Variants in CACNA1E observed in about 807,000 individuals in gnomAD.
CACNA1E encodes voltage-dependent R-type calcium channel subunit alpha-1E.
In CACNA1E, 40 loss-of-function variants were observed where a neutral mutation model predicts 259.2. That is an observed-to-expected ratio of 0.15 (90% CI 0.12 to 0.20). The LOEUF (loss-of-function observed/expected upper bound fraction) is 0.20, where lower values mean the gene tolerates loss of function less well. Ranked by LOEUF, CACNA1E falls within the 10% of genes least tolerant of loss-of-function variation. The probability of loss-of-function intolerance (pLI) is 1.00; values close to 1 mark genes in which losing one functional copy is unlikely to be tolerated. For synonymous variants in CACNA1E, 1,104 were observed against 1,138.5 expected (o/e 0.97, Z 0.61); for missense variants, 1,874 against 3,040.1 (o/e 0.62, Z 9.02).
At chr1:181,665,573 T>G (rs6697411) in intron 7 of CACNA1E, among the ~76,000 whole-genome samples, 11,670 of 152,160 alleles carry the variant, frequency 0.077, 570 homozygotes, top group African/African-American at 0.14. Context: ...CAGTAAGGCA[T>G]TATATATTAC....
At position 181,802,011 on chromosome 1, in the gene CACNA1E, G is replaced by A. The variant is rs1662310741; in HGVS notation, c.*3177G>A. The A allele has an allele frequency of 1.3e-5, 2 of 152,212 alleles. No individual in the cohort carries two copies. Among genetic ancestry groups the A allele is most frequent in the African/African-American group, 4.8e-5 (2 of 41,442 alleles). The allele number at this position is 152,212 out of a possible 1,614,324, so 9.4% of individuals were successfully genotyped here. A position where few individuals can be genotyped will look rare whatever the true frequency, so the allele number is the denominator to read the frequency against. On this transcript the variant is annotated 3_prime_UTR_variant, in exon 48 of 48. Transcript: ENST00000367573. Reference sequence around the variant, plus strand: ...AGGCTCCAGACAGACTCCAGGTAGGGAATGCATGCTGTCTCTTTCTCTGTG... The same window carrying A: ...AGGCTCCAGACAGACTCCAGGTAGGAAATGCATGCTGTCTCTTTCTCTGTG...
At position 181,731,207 on chromosome 1, in the gene CACNA1E, T is replaced by C. The variant is rs1464933485; in HGVS notation, c.2273T>C (p.Met758Thr). Residue 758 changes from methionine (M) to threonine (T), a missense_variant, in exon 19 of 48, where the codon ATG (methionine) becomes ACG (threonine). By Grantham distance (81) the Met-to-Thr change is moderately conservative. Coordinates refer to ENST00000367573, the MANE Select transcript of CACNA1E (RefSeq NM_001205293.3). ...AGAAGGAGAAGACACCACATGTCGA[T>C]GTGGGAGCCACGCAGCAGCCACCTG... is the stretch of plus-strand genomic sequence containing the variant. ...RDRRRRHHMS[M>T]WEPRSSHLRE... 2 of 1,613,926 alleles carry C rather than the reference T, an allele frequency of 1.2e-6. No individual in the cohort carries two copies. The highest frequency in any genetic ancestry group is 1.1e-5 in the South Asian group (1 of 91,068).
At chr1:181,386,545 CT>C (rs2102017655) in intron 1 of CACNA1E, among the ~76,000 whole-genome samples, 1 of 152,336 alleles carries the variant, frequency 6.6e-6, no homozygotes, top group South Asian at 2.1e-4. Context: ...TCCAATAAAA[CT>C]TTTTGCAGTG....
Position 181,758,615 on chromosome 1 carries a change from A to G in CACNA1E, c.4495-143A>G. On this transcript the variant is annotated intron_variant, in intron 31 of 47. Coordinates refer to ENST00000367573, the MANE Select transcript of CACNA1E (RefSeq NM_001205293.3). This position sits in a 1 kb window ranked among gnomAD's most constrained non-coding sequence, Gnocchi z 4.2. ...AGAATATGTGGTTCTCCTCTCCAGC[A>G]CTCGAAGTCCATCTCTCCTCCTGTA... The G allele has an allele frequency of 5.4e-6, 3 of 560,254 alleles. No homozygotes were observed. Among genetic ancestry groups the G allele is most frequent in the Non-Finnish European group, 9.5e-6 (3 of 315,604 alleles). The allele number at this position is 560,254 out of a possible 1,614,324, so 34.7% of individuals were successfully genotyped here.
At chr1:181,436,191 G>A (rs966979361) in intron 2 of CACNA1E, among the ~76,000 whole-genome samples, 2 of 152,184 alleles carry the variant, frequency 1.3e-5, no homozygotes, top group African/African-American at 4.8e-5. Flanking sequence ...CTGTTAGAAT[G>A]GCTATAATAA....
At chr1:181,519,387 G>A (rs1351866102) in intron 3 of CACNA1E, among the ~76,000 whole-genome samples, 1 of 152,142 alleles carries the variant, frequency 6.6e-6, no homozygotes, top group Non-Finnish European at 1.5e-5. Flanking sequence ...TCAGGAAATA[G>A]CAGATATAAT....
At chr1:181,740,440 A>G (rs1656458217) in intron 25 of CACNA1E, among the ~76,000 whole-genome samples, 1 of 151,788 alleles carries the variant, frequency 6.6e-6, no homozygotes, top group African/African-American at 2.4e-5. Flanking sequence ...AAGCACTGTC[A>G]GCTGCTGTCT....
chr1:181,545,980 A>G (rs1489303944), intron 3 of CACNA1E, among the ~76,000 whole-genome samples: 1 of 152,010 alleles, frequency 6.6e-6, no homozygotes. Flanking sequence ...TAAGGAACCT[A>G]GAGAGCCATC....
At chr1:181,686,389 C>G (rs574265412) in intron 7 of CACNA1E, among the ~76,000 whole-genome samples, 1 of 143,732 alleles carries the variant, frequency 7.0e-6, no homozygotes, top group Non-Finnish European at 1.5e-5. Flanking sequence ...TGGGTTCAAG[C>G]GATTCTCCTG....
At chr1:181,778,025 G>A (rs1660113631) in intron 38 of CACNA1E, among the ~76,000 whole-genome samples, 1 of 152,178 alleles carries the variant, frequency 6.6e-6, no homozygotes, top group African/African-American at 2.4e-5. Flanking sequence ...CCAGTTGCTG[G>A]GAAGAAATGA....
chr1:181,454,340 A>G (rs981605777), intron 2 of CACNA1E, among the ~76,000 whole-genome samples: 4 of 152,218 alleles, frequency 2.6e-5, no homozygotes, highest in African/African-American at 9.6e-5. Flanking sequence ...CATTATTCCT[A>G]TTCAAACACT....
rs185249927 is a variant in CACNA1E, at chr1:181,340,200, A to G, written c.-15+22077A>G. Reference sequence around the variant, plus strand: ...ATGTCTACTCACTTGTCCCAATACTATTTATTGAATTATTCATCTCTTCCT... The same window carrying G: ...ATGTCTACTCACTTGTCCCAATACTGTTTATTGAATTATTCATCTCTTCCT... On this transcript the variant is annotated intron_variant, in intron 1 of 11. Coordinates refer to the CACNA1E transcript ENST00000524607. Among the ~76,000 whole-genome samples the G allele has an allele frequency of 1.6e-3, 242 of 152,046 alleles. 1 individual carries two copies. Among genetic ancestry groups the G allele is most frequent in the African/African-American group, 5.5e-3 (228 of 41,506 alleles).
intron 38 of CACNA1E, among the ~76,000 whole-genome samples, chr1:181,780,963 C>T (rs1476078987): frequency 1.3e-5 from 2 of 152,188 alleles, no homozygotes; most frequent in Non-Finnish European, 2.9e-5. Flanking sequence ...AACTCCAACC[C>T]ATGGCTGGAG....
At chr1:181,484,368 A>G (rs1262339335) in intron 1 of CACNA1E, among the ~76,000 whole-genome samples, 5 of 150,788 alleles carry the variant, frequency 3.3e-5, no homozygotes, top group African/African-American at 7.4e-5. Flanking sequence ...GCTTCCTTTC[A>G]TAATTAATTC....
chr1:181,611,144 A>C (rs1186271192), intron 6 of CACNA1E, among the ~76,000 whole-genome samples: 5 of 152,208 alleles, frequency 3.3e-5, no homozygotes, highest in Non-Finnish European at 7.4e-5. Context: ...ATAGTAAGGC[A>C]TGCCTTCTAG....
intron 1 of CACNA1E, among the ~76,000 whole-genome samples, chr1:181,366,649 G>T (rs970413086): frequency 2.0e-5 from 3 of 151,980 alleles, no homozygotes; most frequent in Admixed American, 2.0e-4. Flanking sequence ...GACTGCAATT[G>T]CAAGGATTAG....
intron 2 of CACNA1E, among the ~76,000 whole-genome samples, chr1:181,444,621 A>G (rs1660695819): frequency 1.3e-5 from 2 of 152,288 alleles, no homozygotes; most frequent in South Asian, 2.1e-4. Flanking sequence ...AGTTTGGGGA[A>G]GATAATTTAG....
At chr1:181,440,295 A>G (rs11586001) in intron 2 of CACNA1E, among the ~76,000 whole-genome samples, 77,777 of 152,032 alleles carry the variant, frequency 0.51, 20,109 homozygotes, top group Admixed American at 0.56. Flanking sequence ...ACCTTACATC[A>G]GTGATACCCA....
At chr1:181,714,067 A>G (rs1344354954) in intron 8 of CACNA1E, among the ~76,000 whole-genome samples, 1 of 152,146 alleles carries the variant, frequency 6.6e-6, no homozygotes, top group Non-Finnish European at 1.5e-5. Flanking sequence ...ACGAAATACT[A>G]CCTCAAATTA....
Sources: gnomAD v4.1 joint callset for allele counts (sites outside exome capture counted in the v4.1 genomes callset) on GRCh38, gnomAD v4.1.1 for gene constraint, Gnocchi (gnomAD v3.1) non-coding constraint, MANE v1.5 for transcripts, NCBI Gene and HGNC (gene_info 2026-07-23, HGNC 2026-07-21) for gene names.